Variants in NAALADL2 observed in about 807,000 individuals in gnomAD.
NAALADL2 encodes inactive N-acetylated-alpha-linked acidic dipeptidase-like protein 2.
In NAALADL2, 76 loss-of-function variants were observed where a neutral mutation model predicts 87.2. The ratio of observed to expected loss-of-function variants is 0.87; its 90% CI spans 0.72 to 1.05. The LOEUF is 1.05. Among genes scored for constraint, NAALADL2 ranks in the 50% least tolerant of loss-of-function variants. The pLI, the probability that NAALADL2 is intolerant of heterozygous loss-of-function variation, is 0.00. For synonymous variants in NAALADL2, 354 were observed against 331.0 expected (o/e 1.07, Z -0.75); for missense variants, 1,089 against 945.8 (o/e 1.15, Z -1.99).
At chr3:174,838,033 A>C (rs891724303) in intron 3 of NAALADL2, among the ~76,000 whole-genome samples, 2 of 137,020 alleles carry the variant, frequency 1.5e-5, no homozygotes, top group African/African-American at 5.8e-5. Context: ...AAAAAAAAAA[A>C]AAAGAAAAAA....
At chr3:175,241,452 C>G (rs1254057713) in intron 3 of NAALADL2, among the ~76,000 whole-genome samples, 1 of 152,100 alleles carries the variant, frequency 6.6e-6, no homozygotes, top group Non-Finnish European at 1.5e-5. Flanking sequence ...AACTCCTGAC[C>G]TCAGGGGATC....
At chr3:174,877,035 C>T (rs1451462102) in intron 1 of NAALADL2, among the ~76,000 whole-genome samples, 15 of 152,002 alleles carry the variant, frequency 9.9e-5, no homozygotes, top group Admixed American at 5.9e-4. Context: ...AAACATGAAT[C>T]TCATTATGAG....
intron 2 of NAALADL2, among the ~76,000 whole-genome samples, chr3:174,608,909 C>T (rs2108632738): frequency 6.6e-6 from 1 of 151,970 alleles, no homozygotes; most frequent in Non-Finnish European, 1.5e-5. Context: ...ATGCAAAAAT[C>T]CTCAATAAAA....
intron 10 of NAALADL2, among the ~76,000 whole-genome samples, chr3:175,605,644 T>TTTTTTTTTTG (rs67950864): frequency 0.61 from 80,712 of 131,952 alleles, 25,135 homozygotes; most frequent in East Asian, 0.78. Flanking sequence ...TTGCTTGTTT[T>TTTTTTTTTTG]TTTTTTTTTT....
intron 1 of NAALADL2, among the ~76,000 whole-genome samples, chr3:175,091,190 T>G (rs1289818897): frequency 6.6e-6 from 1 of 152,126 alleles, no homozygotes. Context: ...AGAATATTCT[T>G]AAACTTAGAT....
chr3:174,696,501 A>C (rs1003676056), intron 2 of NAALADL2, among the ~76,000 whole-genome samples: 1 of 150,552 alleles, frequency 6.6e-6, no homozygotes, highest in African/African-American at 2.4e-5. Flanking sequence ...TTCTTGACTG[A>C]TACTGCTATC....
chr3:174,999,540 T>A (rs905794038), intron 1 of NAALADL2, among the ~76,000 whole-genome samples: 14 of 152,146 alleles, frequency 9.2e-5, no homozygotes, highest in African/African-American at 3.4e-4. Flanking sequence ...GCTAACCCCT[T>A]AATTAGTGCC....
At chr3:174,824,718 G>T (rs992207243) in intron 3 of NAALADL2, among the ~76,000 whole-genome samples, 1 of 152,192 alleles carries the variant, frequency 6.6e-6, no homozygotes, top group African/African-American at 2.4e-5. Context: ...TTTGTGCTGT[G>T]TAGCCTTTGG....
At chr3:175,147,630 A>G (rs535513576) in intron 2 of NAALADL2, among the ~76,000 whole-genome samples, 2 of 152,222 alleles carry the variant, frequency 1.3e-5, no homozygotes, top group South Asian at 2.1e-4. Context: ...ACTCGGTTGA[A>G]TGATAGTTCT....
intron 1 of NAALADL2, among the ~76,000 whole-genome samples, chr3:174,931,347 T>C (rs901379372): frequency 2.6e-5 from 4 of 152,312 alleles, no homozygotes; most frequent in African/African-American, 9.6e-5. Flanking sequence ...ACTTGGGAAC[T>C]ATGTGACCCA....
In NAALADL2 at chr3:174,924,130, T is replaced by C. The variant is rs555548912; in HGVS notation, c.43+64680T>C. Among the ~76,000 whole-genome samples the C allele has an allele frequency of 3.4e-4, 52 of 152,264 alleles. 1 individual carries two copies. The highest frequency in any genetic ancestry group is 1.8e-3 in the Admixed American group (27 of 15,290). On this transcript the variant is annotated intron_variant, in intron 1 of 13. Transcript: ENST00000454872. ...ACAACATGCAAGTTTATTACATATGTATACGTGTACCATGTTGGTGTGCTG... is the reference window on the plus strand; with the variant it reads ...ACAACATGCAAGTTTATTACATATGCATACGTGTACCATGTTGGTGTGCTG...
At chr3:174,466,113 G>A (rs1161657443) in intron 1 of NAALADL2, among the ~76,000 whole-genome samples, 1 of 152,158 alleles carries the variant, frequency 6.6e-6, no homozygotes, top group African/African-American at 2.4e-5. Context: ...AGGGAGGAAA[G>A]AACAGAAGTA....
intron 1 of NAALADL2, among the ~76,000 whole-genome samples, chr3:175,062,684 G>C (rs144320883): frequency 6.6e-6 from 1 of 152,132 alleles, no homozygotes; most frequent in Non-Finnish European, 1.5e-5. Flanking sequence ...TTTTTCATTT[G>C]ATTTTATAAA....
At chr3:175,089,902 T>A (rs1207047647) in intron 1 of NAALADL2, among the ~76,000 whole-genome samples, 1 of 152,192 alleles carries the variant, frequency 6.6e-6, no homozygotes, top group Non-Finnish European at 1.5e-5. Flanking sequence ...CAGAACTACA[T>A]TAAAACTCTA....
At chr3:174,551,620 T>C (rs1213120587) in intron 2 of NAALADL2, among the ~76,000 whole-genome samples, 1 of 152,196 alleles carries the variant, frequency 6.6e-6, no homozygotes. Flanking sequence ...GATCAACTGT[T>C]AACTACTATA....
intron 3 of NAALADL2, among the ~76,000 whole-genome samples, chr3:174,788,180 G>C (rs1717032749): frequency 6.6e-6 from 1 of 152,088 alleles, no homozygotes; most frequent in African/African-American, 2.4e-5. Flanking sequence ...CCTGTTGGGG[G>C]ACAATGAGAT....
At chr3:174,841,965 A>G (rs1724069276) in intron 3 of NAALADL2, among the ~76,000 whole-genome samples, 1 of 151,882 alleles carries the variant, frequency 6.6e-6, no homozygotes, top group Non-Finnish European at 1.5e-5. Flanking sequence ...TTAGTCATAT[A>G]TATCTGTGTA....
intron 2 of NAALADL2, among the ~76,000 whole-genome samples, chr3:174,569,958 C>T (rs1299060042): frequency 6.6e-6 from 1 of 152,094 alleles, no homozygotes; most frequent in Admixed American, 6.6e-5. Flanking sequence ...GCTTCATCAA[C>T]TGTGGTACTC....
intron 4 of NAALADL2, among the ~76,000 whole-genome samples, chr3:175,272,541 C>T (rs1301369365): frequency 6.6e-6 from 1 of 152,110 alleles, no homozygotes; most frequent in East Asian, 1.9e-4. Flanking sequence ...GCAATTTATT[C>T]AATCACACAA....
Sources: allele counts gnomAD v4.1 joint callset (sites outside exome capture counted in the v4.1 genomes callset), GRCh38; gene constraint gnomAD v4.1.1; transcripts MANE v1.5; gene names NCBI Gene and HGNC (gene_info 2026-07-23, HGNC 2026-07-21).